CDH4: variants seen among roughly 807,000 people sequenced by gnomAD.
CDH4 encodes cadherin 4.
CDH4 carries 33 observed loss-of-function variants against 86.0 expected under a neutral mutation model. That is an observed-to-expected ratio of 0.38 (90% CI 0.29 to 0.51). The LOEUF (loss-of-function observed/expected upper bound fraction) is 0.51, where lower values mean the gene tolerates loss of function less well. Among genes scored for constraint, CDH4 ranks in the 20% least tolerant of loss-of-function variants. The pLI is 0.86. For synonymous variants in CDH4, 555 were observed against 549.4 expected (o/e 1.01, Z -0.14); for missense variants, 1,114 against 1,307.4 (o/e 0.85, Z 2.28).
chr20:61,607,778 C>T (rs187984368), intron 2 of CDH4, among the ~76,000 whole-genome samples: 1 of 152,266 alleles, frequency 6.6e-6, no homozygotes, highest in East Asian at 1.9e-4. Flanking sequence ...GCAAAGGTTG[C>T]CTTGGGAAGG....
At position 61,894,010 on chromosome 20, in the gene CDH4, C is replaced by T. The variant is rs767458981; in HGVS notation, c.1051-900C>T. ...TTTCCCTTAACCTCTTAGAGAAGCA[C>T]GACTCAGGATTGTTAGTCACTTGGA... On this transcript the variant is annotated intron_variant, in intron 7 of 15. Transcript: ENST00000614565. Among the ~76,000 whole-genome samples, 12 of 152,156 alleles carry T rather than the reference C, an allele frequency of 7.9e-5. No homozygotes were observed. In the South Asian group the frequency reaches 8.3e-4, roughly 10 times the overall value.
At chr20:61,324,632 A>G (rs1485109892) in intron 2 of CDH4, among the ~76,000 whole-genome samples, 1 of 152,044 alleles carries the variant, frequency 6.6e-6, no homozygotes, top group Non-Finnish European at 1.5e-5. Context: ...TCTGGTATGA[A>G]CTCATCTAAT....
intron 2 of CDH4, among the ~76,000 whole-genome samples, chr20:61,699,667 CTG>C (rs2087753148): frequency 6.6e-6 from 1 of 152,210 alleles, no homozygotes; most frequent in Non-Finnish European, 1.5e-5. Context: ...GTGGAGGTCA[CTG>C]TGTCGTTAGC....
chr20:61,787,793 T>TG (rs1978962354), intron 4 of CDH4, among the ~76,000 whole-genome samples: 1 of 152,166 alleles, frequency 6.6e-6, no homozygotes, highest in South Asian at 2.1e-4. Context: ...GAGAGAATCA[T>TG]GGGGATATCG....
chr20:61,340,824 C>A (rs138003033), intron 2 of CDH4, among the ~76,000 whole-genome samples: 6,630 of 152,270 alleles, frequency 0.044, 186 homozygotes, highest in Middle Eastern at 0.068. Flanking sequence ...TGGGTTGATA[C>A]TTGATTCTGT....
At chr20:61,719,778 T>C (rs1600910051) in intron 2 of CDH4, 3 of 152,382 alleles carry the variant, frequency 2.0e-5, no homozygotes, top group African/African-American at 7.2e-5. Flanking sequence ...CTTCCTTTTG[T>C]TCTTTCCTTC....
chr20:61,898,724 T>A (rs1206494052), intron 8 of CDH4, among the ~76,000 whole-genome samples: 1 of 152,210 alleles, frequency 6.6e-6, no homozygotes. Context: ...CCGCAGGATT[T>A]TATCCCGGCT....
chr20:61,486,825 G>C (rs1482425160), intron 2 of CDH4, among the ~76,000 whole-genome samples: 1 of 152,126 alleles, frequency 6.6e-6, no homozygotes, highest in African/African-American at 2.4e-5. Context: ...GGAGTTCAAG[G>C]TTCCAATGAA....
intron 2 of CDH4, among the ~76,000 whole-genome samples, chr20:61,496,956 A>ATT (rs59603072): frequency 0.046 from 5,006 of 108,522 alleles, 279 homozygotes; most frequent in African/African-American, 0.15. Flanking sequence ...TTGGGGATTG[A>ATT]TTTTTTTTTT....
intron 2 of CDH4, among the ~76,000 whole-genome samples, chr20:61,325,334 T>A (rs6028116): frequency 6.6e-6 from 1 of 151,968 alleles, no homozygotes. Context: ...GTAAGGCAAA[T>A]CCAAAGGTAT....
chr20:61,605,048 T>C (rs573595558), intron 2 of CDH4, among the ~76,000 whole-genome samples: 1 of 152,300 alleles, frequency 6.6e-6, no homozygotes, highest in South Asian at 2.1e-4. Context: ...AAGGCTGGCC[T>C]CTCGTGGTGC....
At chr20:61,449,586 C>T (rs764753836) in intron 2 of CDH4, among the ~76,000 whole-genome samples, 5 of 152,078 alleles carry the variant, frequency 3.3e-5, no homozygotes, top group Non-Finnish European at 5.9e-5. Flanking sequence ...AGAATTCCAA[C>T]TTTTATTGCT....
chr20:61,386,306 G>A (rs934328781), intron 2 of CDH4, among the ~76,000 whole-genome samples: 2 of 152,134 alleles, frequency 1.3e-5, no homozygotes, highest in African/African-American at 2.4e-5. Context: ...CCTCCCTGAT[G>A]CTGACAGTGC....
At chr20:61,263,554 C>T (rs2084139698) in intron 2 of CDH4, among the ~76,000 whole-genome samples, 1 of 152,202 alleles carries the variant, frequency 6.6e-6, no homozygotes, top group South Asian at 2.1e-4. Flanking sequence ...CCCCAGATCA[C>T]TCGGTATGGG....
chr20:61,835,085 T>C (rs1207572028), intron 4 of CDH4, among the ~76,000 whole-genome samples: 2 of 152,096 alleles, frequency 1.3e-5, no homozygotes, highest in Non-Finnish European at 2.9e-5. Flanking sequence ...TTGTCTTGTT[T>C]TGTTTTGTTT....
rs187938769 is a variant in CDH4, at chr20:61,574,232, T to C, written c.170-169331T>C. On this transcript the variant is annotated intron_variant, in intron 2 of 15. Coordinates refer to ENST00000614565, the MANE Select transcript of CDH4 (RefSeq NM_001794.5). ...CAAAAGAGCAAGCAGCACCATGCTG[T>C]AGCCCAGCCAAGGCTAATATTCTTA... 2.8e-4 allele frequency among the ~76,000 whole-genome samples: 43 copies of C among 152,390 alleles called. 2 individuals are homozygous for C. The highest frequency in any genetic ancestry group is 2.3e-3 in the Admixed American group (35 of 15,310).
chr20:61,534,665 CTTTTTTTTTT>C (rs34309371), intron 2 of CDH4, among the ~76,000 whole-genome samples: 2 of 76,066 alleles, frequency 2.6e-5, no homozygotes, highest in African/African-American at 2.2e-4. Context: ...TTCTTTCTTT[CTTTTTTTTTT>C]TTTTTTTTTT....
At chr20:61,308,344 G>A (rs191049695) in intron 2 of CDH4, among the ~76,000 whole-genome samples, 62 of 152,322 alleles carry the variant, frequency 4.1e-4, no homozygotes, top group African/African-American at 1.3e-3. Flanking sequence ...GAGCCGCAGC[G>A]CTGAGCAGTG....
At chr20:61,779,052 C>A (rs1978392893) in intron 4 of CDH4, among the ~76,000 whole-genome samples, 1 of 152,232 alleles carries the variant, frequency 6.6e-6, no homozygotes, top group East Asian at 1.9e-4. Flanking sequence ...CAGGCACATT[C>A]TTAAAGGGTT....
Sources: gnomAD v4.1 joint callset for allele counts (sites outside exome capture counted in the v4.1 genomes callset) on GRCh38, gnomAD v4.1.1 for gene constraint, MANE v1.5 for transcripts, NCBI Gene and HGNC (gene_info 2026-07-23, HGNC 2026-07-21) for gene names.